SLC10A2: variants seen among roughly 807,000 people sequenced by gnomAD.
SLC10A2 encodes ileal sodium/bile acid cotransporter.
A neutral mutation model predicts 27.1 loss-of-function variants in SLC10A2; 34 were observed. The observed-to-expected ratio is 1.26, with a 90% confidence interval of 0.96 to 1.67. SLC10A2 has a LOEUF of 1.67. SLC10A2 is among the 40% of genes most tolerant of loss of function. The pLI, the probability that SLC10A2 is intolerant of heterozygous loss-of-function variation, is 0.00. For missense variants in SLC10A2, 530 were observed against 444.4 expected (o/e 1.19, Z -1.73); for synonymous variants, 205 against 174.0 (o/e 1.18, Z -1.40).
In SLC10A2 at chr13:103,051,420, C is replaced by T. The variant is rs775125105; in HGVS notation, c.598G>A (p.Ala200Thr). The T allele has an allele frequency of 5.6e-6, 9 of 1,613,656 alleles. No homozygotes were observed. Among genetic ancestry groups the T allele is most frequent in the South Asian group, 1.1e-5 (1 of 91,068 alleles). Residue 200 changes from alanine (A) to threonine (T), a missense_variant, in exon 4 of 6, where the codon GCG (alanine) becomes ACG (threonine). By Grantham distance (58) the Ala-to-Thr change is moderately conservative (BLOSUM62 0). Coordinates refer to ENST00000245312, the MANE Select transcript of SLC10A2 (RefSeq NM_000452.3). ...ATGAGCACAATGAGGATGGCGCCCG[C>T]GATGGACCCAATCTGAAAAAAAAAG... Reference protein sequence around the residue: ...AKIILKIGSIAGAILIVLIAV... With the variant: ...AKIILKIGSITGAILIVLIAV...
At position 103,046,133 on chromosome 13, in the gene SLC10A2, C is replaced by G. The variant is rs772783276; in HGVS notation, c.1047G>C (p.Ter349TyrextTer17). 6.2e-6 allele frequency: 10 copies of G among 1,613,784 alleles called. No homozygotes were observed. The highest frequency in any genetic ancestry group is 2.2e-5 in the South Asian group (2 of 91,078). Reference sequence around the variant, plus strand: ...CTCGTCTGTTTTGTCCACTTGATGTCTACTTTTCGTCAGGTTGAAATCCTC... The same window carrying G: ...CTCGTCTGTTTTGTCCACTTGATGTGTACTTTTCGTCAGGTTGAAATCCTC... ...ANGGFQPDEK[*>Y] Residue 349 changes from the stop codon to tyrosine, a stop_lost, in exon 6 of 6, where the codon TAG becomes TAC. Coordinates refer to ENST00000245312, the MANE Select transcript of SLC10A2 (RefSeq NM_000452.3).
chr13:103,060,666 G>A (rs1876089330), intron 1 of SLC10A2, among the ~76,000 whole-genome samples: 2 of 151,984 alleles, frequency 1.3e-5, no homozygotes, highest in Admixed American at 6.5e-5. Context: ...GGGAGCCACC[G>A]CACCCTGCAT....
At chr13:103,048,137 A>T (rs1292901481) in intron 5 of SLC10A2, among the ~76,000 whole-genome samples, 1 of 152,184 alleles carries the variant, frequency 6.6e-6, no homozygotes, top group Non-Finnish European at 1.5e-5. Context: ...CCATATTTTT[A>T]GTAGAGATGG....
chr13:103,048,254 G>A (rs765868300), intron 5 of SLC10A2, among the ~76,000 whole-genome samples: 2 of 152,002 alleles, frequency 1.3e-5, no homozygotes, highest in Admixed American at 6.6e-5. Flanking sequence ...AGCCTGTCAT[G>A]GTGGCGGGCA....
intron 1 of SLC10A2, among the ~76,000 whole-genome samples, chr13:103,061,341 T>A (rs1306119532): frequency 4.6e-5 from 7 of 152,038 alleles, no homozygotes; most frequent in African/African-American, 1.7e-4. Flanking sequence ...TCTCTTTTTT[T>A]TTATTTTATT....
intron 1 of SLC10A2, 40 bp from the exon 2 acceptor site, chr13:103,058,422 G>A (rs1223944529): frequency 3.4e-6 from 4 of 1,173,482 alleles, no homozygotes; most frequent in East Asian, 2.3e-5. Context: ...CACCTGTGGT[G>A]TTCTAGGGAA....
chr13:103,052,766 A>G, intron 2 of SLC10A2, 58 bp from the exon 3 acceptor site: 2 of 1,048,796 alleles, frequency 1.9e-6, no homozygotes, highest in Admixed American at 1.7e-5. Context: ...GAAAGAGAAA[A>G]ACAGAAGAAC....
At chr13:103,054,613 C>T (rs995248588) in intron 2 of SLC10A2, among the ~76,000 whole-genome samples, 2 of 152,012 alleles carry the variant, frequency 1.3e-5, no homozygotes, top group African/African-American at 2.4e-5. Context: ...GAGTATTCAT[C>T]TTTTTGAGGC....
chr13:103,052,808 C>T lies in SLC10A2; in HGVS notation c.497-100G>A, dbSNP rs1875826296. 1.8e-5 allele frequency: 14 copies of T among 764,176 alleles called. No individual in the cohort carries two copies. The Admixed American group carries it at 2.7e-4, about 15-fold the overall frequency. 47.3% of individuals were successfully genotyped at this position (764,176 alleles called of 1,614,324 possible). ...CCTGAAGAAAGATTAGGTGGTATTT[C>T]AGTCTTCCTTCTTGAATACACAAAA... On this transcript the variant is annotated intron_variant, in intron 2 of 5. Transcript: ENST00000245312.
intron 2 of SLC10A2, among the ~76,000 whole-genome samples, chr13:103,057,892 A>AAG (rs1311469323): frequency 6.6e-6 from 1 of 151,248 alleles, no homozygotes. Context: ...AAAAAAAAAA[A>AAG]TTTCTTCAAT....
chr13:103,065,676 C>A (rs1186175270), intron 1 of SLC10A2, among the ~76,000 whole-genome samples, 197 bp downstream of exon 1: 1 of 152,172 alleles, frequency 6.6e-6, no homozygotes, highest in Middle Eastern at 3.2e-3. Context: ...AAAACACAAA[C>A]ACAAAATATA....
chr13:103,058,947 G>A (rs1052254181), intron 1 of SLC10A2, among the ~76,000 whole-genome samples: 2 of 152,186 alleles, frequency 1.3e-5, no homozygotes, highest in African/African-American at 2.4e-5. Context: ...ATAATAGAAC[G>A]ATTTGTATTC....
intron 4 of SLC10A2, 33 bp from the exon 5 acceptor site, chr13:103,049,479 G>A: frequency 1.2e-6 from 2 of 1,612,116 alleles, no homozygotes; most frequent in Admixed American, 3.3e-5. Flanking sequence ...ACATGTTTTA[G>A]TAGTTTTGTT....
intron 5 of SLC10A2, among the ~76,000 whole-genome samples, chr13:103,048,390 C>CAA (rs199881213): frequency 2.0e-4 from 19 of 97,092 alleles, no homozygotes; most frequent in Non-Finnish European, 2.7e-4. Flanking sequence ...GGGGCTGTCT[C>CAA]AAAAAAAAAA....
At chr13:103,051,453 T>C in intron 3 of SLC10A2, 21 bp from the exon 4 acceptor site, 1 of 1,613,054 alleles carries the variant, frequency 6.2e-7, no homozygotes, top group Non-Finnish European at 8.5e-7. Flanking sequence ...AAGGAATAAG[T>C]GAACCCAGCA....
intron 1 of SLC10A2, among the ~76,000 whole-genome samples, chr13:103,062,750 G>A (rs1461947732): frequency 2.0e-5 from 3 of 152,166 alleles, no homozygotes; most frequent in Non-Finnish European, 4.4e-5. Flanking sequence ...AAAGAACAAA[G>A]GATGTGGTAG....
rs1876042082 is a variant in SLC10A2 at position 103,059,602 on chromosome 13, G to T, written c.378-1220C>A. 3.3e-5 allele frequency among the ~76,000 whole-genome samples: 5 copies of T among 152,146 alleles called. No homozygotes were observed. In the South Asian group the frequency reaches 8.3e-4, roughly 25 times the overall value. ...CCTTCCCTCCCCTTTTATTCTTAAG[G>T]GTCAGAAACAGTATTAAACGATGGG... On this transcript the variant is annotated intron_variant, in intron 1 of 5. Transcript: ENST00000245312.
rs1483317604 is a variant in SLC10A2, at chr13:103,045,959, A to G, written c.*174T>C. 1 of 635,048 alleles carries G rather than the reference A, an allele frequency of 1.6e-6. No homozygotes were observed. Among genetic ancestry groups the G allele is most frequent in the East Asian group, 2.9e-5 (1 of 34,748 alleles). The allele number at this position is 635,048 out of a possible 1,614,324, so 39.3% of individuals were successfully genotyped here. A position where few individuals can be genotyped will look rare whatever the true frequency, so the allele number is the denominator to read the frequency against. On this transcript the variant is annotated 3_prime_UTR_variant, in exon 6 of 6. Transcript: ENST00000245312. ...ATATATAGGAAACAATATTTGTCCC[A>G]TTAAAGAATTGGGCCACCAGTCACT...
chr13:103,046,111 G>A lies in SLC10A2; in HGVS notation c.*22C>T, dbSNP rs202066952. On this transcript the variant is annotated 3_prime_UTR_variant, in exon 6 of 6. Transcript: ENST00000245312. ...GGTTTAAGAACGTAATTTGGAACTC[G>A]TCTGTTTTGTCCACTTGATGTCTAC... 3.3e-5 allele frequency: 53 copies of A among 1,612,854 alleles called. No homozygotes were observed. Among genetic ancestry groups the A allele is most frequent in the South Asian group, 6.6e-5 (6 of 91,058 alleles).
Sources: allele counts gnomAD v4.1 joint callset (sites outside exome capture counted in the v4.1 genomes callset), GRCh38; gene constraint gnomAD v4.1.1; transcripts MANE v1.5; gene names NCBI Gene and HGNC (gene_info 2026-07-23, HGNC 2026-07-21).